B3GALT1: variants seen among roughly 807,000 people sequenced by gnomAD.
B3GALT1 encodes the protein beta-1,3-galactosyltransferase 1, also known as UDP-Gal:betaGlcNAc beta 1,3-galactosyltransferase, polypeptide 1.
Under a neutral mutation model 23.2 loss-of-function variants are expected in B3GALT1, and 10 were observed. The observed-to-expected ratio is 0.43, with a 90% confidence interval of 0.27 to 0.73. The LOEUF is 0.73. B3GALT1 is among the 30% of genes least tolerant of loss of function. The pLI is 0.21. For missense variants in B3GALT1, 299 were observed against 405.4 expected (o/e 0.74, Z 2.25); for synonymous variants, 156 against 141.5 (o/e 1.10, Z -0.73).
At chr2:167,355,664 GT>G (rs1697389099) in intron 1 of B3GALT1, among the ~76,000 whole-genome samples, 2 of 152,000 alleles carry the variant, frequency 1.3e-5, no homozygotes, top group Non-Finnish European at 2.9e-5. Context: ...CCTGTCTTAT[GT>G]TTTTTATATT....
At chr2:167,564,261 G>A (rs1274890119) in intron 2 of B3GALT1, among the ~76,000 whole-genome samples, 17 of 148,638 alleles carry the variant, frequency 1.1e-4, no homozygotes, top group African/African-American at 2.7e-4. Flanking sequence ...CATCTCAGAC[G>A]ATGGGCGGCC....
At chr2:167,437,900 G>C (rs1041753361) in intron 1 of B3GALT1, among the ~76,000 whole-genome samples, 1 of 152,092 alleles carries the variant, frequency 6.6e-6, no homozygotes, top group African/African-American at 2.4e-5. Flanking sequence ...ATCTATAATG[G>C]CCACTGGAAA....
chr2:167,730,679 A>T (rs190207497), intron 3 of B3GALT1, among the ~76,000 whole-genome samples: 168 of 152,278 alleles, frequency 1.1e-3, no homozygotes, highest in African/African-American at 3.8e-3. Flanking sequence ...GTATTTCCAC[A>T]CAAGCAGTTA....
chr2:167,478,201 T>C (rs1699512589), intron 1 of B3GALT1, among the ~76,000 whole-genome samples: 1 of 152,226 alleles, frequency 6.6e-6, no homozygotes, highest in Non-Finnish European at 1.5e-5. Flanking sequence ...CAAAGGAGTT[T>C]GCTTTACCTG....
At chr2:167,374,498 CT>C (rs1357651169) in intron 1 of B3GALT1, among the ~76,000 whole-genome samples, 3 of 152,148 alleles carry the variant, frequency 2.0e-5, no homozygotes, top group African/African-American at 7.2e-5. Context: ...TATGCATTCC[CT>C]TTTCTCTACA....
intron 3 of B3GALT1, among the ~76,000 whole-genome samples, chr2:167,700,712 G>A (rs938861060): frequency 1.2e-4 from 18 of 152,158 alleles, no homozygotes; most frequent in African/African-American, 4.1e-4. Flanking sequence ...AAATAATGGT[G>A]CAGTGCGGGT....
At chr2:167,567,416 A>G (rs1684191958) in intron 2 of B3GALT1, among the ~76,000 whole-genome samples, 1 of 152,160 alleles carries the variant, frequency 6.6e-6, no homozygotes, top group Non-Finnish European at 1.5e-5. Context: ...AGCTCTCTGT[A>G]CCATTGGAAA....
Position 167,496,724 on chromosome 2 carries a change from T to G in B3GALT1, c.-410+6447T>G, listed in dbSNP as rs1699788937. On this transcript the variant is annotated intron_variant, in intron 2 of 4. Transcript: ENST00000392690. ...TGATGGTATTAGGAGGTGAAGCCTTTGGGAGGTAATGAAGTCATGAAGGTA... is the reference window on the plus strand; with the variant it reads ...TGATGGTATTAGGAGGTGAAGCCTTGGGGAGGTAATGAAGTCATGAAGGTA... Among the ~76,000 whole-genome samples, 4 of 152,158 alleles carry G rather than the reference T, an allele frequency of 2.6e-5. No individual in the cohort carries two copies. The South Asian group carries it at 8.3e-4, about 32-fold the overall frequency.
intron 3 of B3GALT1, among the ~76,000 whole-genome samples, chr2:167,765,904 C>T (rs1687970489): frequency 6.6e-6 from 1 of 152,172 alleles, no homozygotes; most frequent in Non-Finnish European, 1.5e-5. Flanking sequence ...CTTCCAAAAG[C>T]ATTTAAACTC....
chr2:167,593,698 A>G (rs1027252277), intron 2 of B3GALT1, among the ~76,000 whole-genome samples: 2 of 152,226 alleles, frequency 1.3e-5, no homozygotes, highest in Non-Finnish European at 2.9e-5. Context: ...ATCCAACAGC[A>G]TGAACTGAGG....
intron 3 of B3GALT1, among the ~76,000 whole-genome samples, chr2:167,668,105 G>T (rs1249909975): frequency 1.3e-5 from 2 of 152,162 alleles, no homozygotes; most frequent in African/African-American, 2.4e-5. Context: ...TTTGATGATG[G>T]TGATGTACAG....
chr2:167,562,873 A>G lies in B3GALT1; in HGVS notation c.-410+72596A>G, dbSNP rs1684038106. On this transcript the variant is annotated intron_variant, in intron 2 of 4. Coordinates refer to ENST00000392690, the MANE Select transcript of B3GALT1 (RefSeq NM_020981.4). ...ACTCTTAAGGAGCATGCTGCCTTCA[A>G]GCATCTGTTTAACAAAGCACATCTT... Among the ~76,000 whole-genome samples the G allele has an allele frequency of 2.0e-5, 3 of 151,996 alleles. No individual in the cohort carries two copies. The South Asian group carries it at 6.2e-4, about 32-fold the overall frequency.
intron 1 of B3GALT1, among the ~76,000 whole-genome samples, chr2:167,314,588 G>A (rs191691510): frequency 1.3e-5 from 2 of 152,058 alleles, no homozygotes; most frequent in South Asian, 2.1e-4. Flanking sequence ...ACTGTGAATC[G>A]TCATTTATTT....
At chr2:167,630,569 A>G (rs947005659) in intron 2 of B3GALT1, among the ~76,000 whole-genome samples, 20 of 151,658 alleles carry the variant, frequency 1.3e-4, no homozygotes, top group African/African-American at 4.8e-4. Flanking sequence ...TTAAGCAGTA[A>G]GTGCTGAAGG....
intron 1 of B3GALT1, among the ~76,000 whole-genome samples, chr2:167,394,441 T>G (rs1235854786): frequency 6.6e-6 from 1 of 152,166 alleles, no homozygotes; most frequent in African/African-American, 2.4e-5. Context: ...AAAATACAAT[T>G]ATCTATTGTA....
At chr2:167,470,286 A>G (rs1699404966) in intron 1 of B3GALT1, among the ~76,000 whole-genome samples, 1 of 152,216 alleles carries the variant, frequency 6.6e-6, no homozygotes, top group Non-Finnish European at 1.5e-5. Context: ...TCATTCCAGA[A>G]AACACTAAAA....
intron 4 of B3GALT1, among the ~76,000 whole-genome samples, chr2:167,840,713 A>G (rs1169767787): frequency 1.3e-5 from 2 of 151,750 alleles, no homozygotes; most frequent in Admixed American, 6.6e-5. Context: ...GCTGCTATAA[A>G]GACACATGCA....
chr2:167,830,565 G>A (rs1480979604), intron 4 of B3GALT1, among the ~76,000 whole-genome samples: 1 of 152,140 alleles, frequency 6.6e-6, no homozygotes, highest in African/African-American at 2.4e-5. Context: ...TGCTACCATT[G>A]TTGATTATCC....
intron 3 of B3GALT1, among the ~76,000 whole-genome samples, chr2:167,803,387 C>A (rs1688678875): frequency 6.6e-6 from 1 of 152,140 alleles, no homozygotes; most frequent in South Asian, 2.1e-4. Context: ...ATCATTTATA[C>A]ATAAATTGAT....
Sources: allele counts gnomAD v4.1 joint callset (sites outside exome capture counted in the v4.1 genomes callset), GRCh38; gene constraint gnomAD v4.1.1; transcripts MANE v1.5; gene names NCBI Gene and HGNC (gene_info 2026-07-23, HGNC 2026-07-21).